The following COL17A1 variants were observed in gnomAD, a reference collection of about 807,000 sequenced individuals.
COL17A1 encodes the protein collagen alpha-1(XVII) chain.
A neutral mutation model predicts 218.4 loss-of-function variants in COL17A1; 181 were observed. That is an observed-to-expected ratio of 0.83 (90% CI 0.73 to 0.94). The LOEUF (loss-of-function observed/expected upper bound fraction) is 0.94. COL17A1 is among the 40% of genes least tolerant of loss of function. COL17A1 has a pLI of 0.00. For missense variants in COL17A1, 1,924 were observed against 1,945.9 expected (o/e 0.99, Z 0.21); for synonymous variants, 721 against 731.0 (o/e 0.99, Z 0.22).
At chr10:104,041,216 A>G in intron 38 of COL17A1, 87 bp downstream of exon 38, 1 of 1,607,818 alleles carries the variant, frequency 6.2e-7, no homozygotes. Context: ...CCTATAAGCC[A>G]GCCCAGAGGG....
At chr10:104,076,809 G>T (rs958085670) in intron 4 of COL17A1, among the ~76,000 whole-genome samples, 2 of 152,188 alleles carry the variant, frequency 1.3e-5, no homozygotes, top group African/African-American at 4.8e-5. Context: ...TTACTTCCAA[G>T]TATTTTAAAT....
Position 104,037,737 on chromosome 10 carries a change from C to A in COL17A1, c.3107G>T (p.Gly1036Val). 6.2e-7 allele frequency: 1 copy of A among 1,614,072 alleles called. No homozygotes were observed. The highest frequency in any genetic ancestry group is 1.1e-5 in the South Asian group (1 of 91,082). Residue 1036 changes from glycine to valine, a missense_variant, in exon 46 of 56, where the codon GGT becomes GTT. Coordinates refer to ENST00000648076, the MANE Select transcript of COL17A1 (RefSeq NM_000494.4). Reference protein sequence around the residue: ...SIRSYLSGVQGPPGPPGPPGP... With the variant: ...SIRSYLSGVQVPPGPPGPPGP... ...TGGGGGACCAGGTGGGCCTGGGGGA[C>A]CCTGAACTCCGGATAGGTAAGATCT...
Position 104,050,648 on chromosome 10 carries a change from C to G in COL17A1, c.2101G>C (p.Gly701Arg), listed in dbSNP as rs1166782933. ...VGLPGVKGDK[G>R]PMGPPGPKGD... ...TTGGGTCCTGGTGGTCCCATTGGTC[C>G]TTTGTCACCTAAAAAGGAAATGGAC... Residue 701 changes from glycine (G) to arginine (R), a missense_variant, in exon 27 of 56, where the codon GGA (glycine) becomes CGA (arginine). Gly to Arg is a moderately radical substitution (Grantham distance 125). Coordinates refer to ENST00000648076, the MANE Select transcript of COL17A1 (RefSeq NM_000494.4). 3.7e-6 allele frequency: 6 copies of G among 1,613,778 alleles called. No homozygotes were observed. The highest frequency in any genetic ancestry group is 5.1e-6 in the Non-Finnish European group (6 of 1,180,038).
intron 38 of COL17A1, 55 bp downstream of exon 38, chr10:104,041,248 G>A (rs1156964321): frequency 6.2e-7 from 1 of 1,601,260 alleles, no homozygotes; most frequent in African/African-American, 1.3e-5. Flanking sequence ...GGGTCCCATT[G>A]CTACCCACCT....
At chr10:104,082,426 A>T (rs1042653667) in intron 1 of COL17A1, among the ~76,000 whole-genome samples, 2 of 152,158 alleles carry the variant, frequency 1.3e-5, no homozygotes, top group African/African-American at 4.8e-5. Context: ...ACTTTCTTTT[A>T]AAAAAATAGG....
intron 11 of COL17A1, among the ~76,000 whole-genome samples, chr10:104,062,556 G>A (rs751079048): frequency 6.6e-6 from 1 of 152,158 alleles, no homozygotes; most frequent in South Asian, 2.1e-4. Context: ...ACGTAGTTAG[G>A]TCCATCCAAG....
intron 2 of COL17A1, among the ~76,000 whole-genome samples, chr10:104,079,091 G>A (rs1484460164): frequency 1.3e-5 from 2 of 152,200 alleles, no homozygotes; most frequent in South Asian, 4.1e-4. Context: ...ACCCCTGAAT[G>A]TGGGGAGTTG....
At chr10:104,049,779 C>G (rs1338639646) in intron 28 of COL17A1, among the ~76,000 whole-genome samples, 1 of 152,242 alleles carries the variant, frequency 6.6e-6, no homozygotes, top group Admixed American at 6.5e-5. Context: ...TGAGAGGATA[C>G]CGGGGTGCAA....
In COL17A1 at chr10:104,064,532, G is replaced by A. The variant is rs137868472; in HGVS notation, c.672C>T (p.Thr224=). The A allele has an allele frequency of 2.8e-3, 4,440 of 1,614,078 alleles. 12 individuals are homozygous for A. The highest frequency in any genetic ancestry group is 5.2e-3 in the Admixed American group (311 of 60,014). ...TCCCCATGGAGGACCCCGCGGGCAG[G>A]GTGGAGGACCACACATGGGAGGGAA... ...ANLPSHVWSS[T]LPAGSSMGTY... is the part of the protein sequence containing the mutation. Residue 224 remains threonine, a synonymous_variant, in exon 10 of 56, where the codon ACC becomes ACT. Coordinates refer to ENST00000648076, the MANE Select transcript of COL17A1 (RefSeq NM_000494.4).
rs2134612747 is a variant in COL17A1, at chr10:104,053,950, G to C, written c.1804C>G (p.Gln602Glu). 1 of 1,608,784 alleles carries C rather than the reference G, an allele frequency of 6.2e-7. No individual in the cohort carries two copies. Among genetic ancestry groups the C allele is most frequent in the Non-Finnish European group, 8.5e-7 (1 of 1,175,064 alleles). ...CTGCCTTTTTGACCCTTTGGTCCTTGTGGACCTGGGTGGCCCAAGGGCCCA... is the reference window on the plus strand; with the variant it reads ...CTGCCTTTTTGACCCTTTGGTCCTTCTGGACCTGGGTGGCCCAAGGGCCCA... The part of the protein sequence containing the change: ...IPGPLGHPGP[Q>E]GPKGQKGSVG... Residue 602 changes from glutamine (Q) to glutamate (E), a missense_variant, in exon 22 of 56, where the codon CAA becomes GAA. By Grantham distance (29) the Gln-to-Glu change is conservative. Coordinates refer to ENST00000648076, the MANE Select transcript of COL17A1 (RefSeq NM_000494.4).
chr10:104,034,910 A>G (rs1355307005), intron 50 of COL17A1, 143 bp from the exon 51 acceptor site: 11 of 995,442 alleles, frequency 1.1e-5, no homozygotes, highest in East Asian at 2.6e-5. Context: ...AGAGAAAAGC[A>G]GGAGGCCAGA....
chr10:104,079,837 G>A (rs2134663041), intron 2 of COL17A1, among the ~76,000 whole-genome samples: 1 of 150,814 alleles, frequency 6.6e-6, no homozygotes, highest in Middle Eastern at 3.4e-3. Flanking sequence ...TGAGACAGGA[G>A]AATGGCTTGA....
At chr10:104,062,237 C>A (rs1256276224) in intron 12 of COL17A1, 21 bp downstream of exon 12, 2 of 1,614,102 alleles carry the variant, frequency 1.2e-6, no homozygotes, top group Non-Finnish European at 1.7e-6. Flanking sequence ...AGCGCCTAAG[C>A]TCCAACCCTA....
chr10:104,032,768 T>G lies in COL17A1; in HGVS notation c.4358-14A>C. On this transcript the variant is annotated splice_polypyrimidine_tract_variant and intron_variant, in intron 54 of 55. Coordinates refer to ENST00000648076, the MANE Select transcript of COL17A1 (RefSeq NM_000494.4). ...GGCCCCTGTCACCTGGAAGGAAAAA[T>G]GGGGCGTAACTAAGTAATACATGAG... The G allele has an allele frequency of 6.2e-7, 1 of 1,613,930 alleles. No homozygotes were observed. Among genetic ancestry groups the G allele is most frequent in the Non-Finnish European group, 8.5e-7 (1 of 1,179,904 alleles).
Position 104,050,884 on chromosome 10 carries a change from C to T in COL17A1, c.2056G>A (p.Gly686Arg). ...QGPPGPVGLQ[G>R]LRGEVGLPGV... ...GGAAGTCCTACTTCACCTCGGAGCC[C>T]TTGGAGACCTACAGGACCTGCCCGG... is the stretch of plus-strand genomic sequence containing the variant. Residue 686 changes from glycine (G) to arginine (R), a missense_variant, in exon 26 of 56, where the codon GGG becomes AGG. Gly to Arg is a moderately radical substitution (Grantham distance 125). Coordinates refer to ENST00000648076, the MANE Select transcript of COL17A1 (RefSeq NM_000494.4). 6.2e-7 allele frequency: 1 copy of T among 1,614,194 alleles called. No homozygotes were observed. The highest frequency in any genetic ancestry group is 8.5e-7 in the Non-Finnish European group (1 of 1,180,030).
intron 10 of COL17A1, among the ~76,000 whole-genome samples, chr10:104,064,188 T>A (rs958807803): frequency 3.3e-5 from 5 of 152,192 alleles, no homozygotes; most frequent in African/African-American, 1.2e-4. Context: ...ATCTCCTACA[T>A]CCATTTTCAG....
intron 4 of COL17A1, 129 bp downstream of exon 4, chr10:104,077,293 T>C: frequency 2.7e-6 from 2 of 746,396 alleles, no homozygotes; most frequent in South Asian, 1.5e-5. Context: ...GGATGACAGG[T>C]GATTGTAATT....
chr10:104,048,451 A>C (rs1196405887), intron 29 of COL17A1, among the ~76,000 whole-genome samples: 1 of 152,018 alleles, frequency 6.6e-6, no homozygotes, highest in Non-Finnish European at 1.5e-5. Flanking sequence ...CTCTCTCCAA[A>C]ATGGTGGCCT....
At position 104,035,361 on chromosome 10, in the gene COL17A1, C is replaced by T. The variant is rs200696422; in HGVS notation, c.3521G>A (p.Arg1174Lys). 1.9e-6 allele frequency: 3 copies of T among 1,614,076 alleles called. No individual in the cohort carries two copies. The African/African-American group carries it at 4.0e-5, about 22-fold the overall frequency. Residue 1174 changes from arginine to lysine, a missense_variant, in exon 50 of 56, where the codon AGA becomes AAA. By Grantham distance (26) the Arg-to-Lys change is conservative (BLOSUM62 2). Coordinates refer to ENST00000648076, the MANE Select transcript of COL17A1 (RefSeq NM_000494.4). The stretch of plus-strand genomic sequence containing the variant: ...GGGACCTGGGGGTCCAACGATGCCT[C>T]TGAATTCAGACCCTGAGACACCAAG... ...LLSLLRGSEF[R>K]GIVGPPGPPG... is the part of the protein sequence containing the mutation.
Sources: allele counts gnomAD v4.1 joint callset (sites outside exome capture counted in the v4.1 genomes callset), GRCh38; gene constraint gnomAD v4.1.1; transcripts MANE v1.5; gene names NCBI Gene and HGNC (gene_info 2026-07-23, HGNC 2026-07-21).